The following PDE11A variants were observed in gnomAD, a reference collection of about 807,000 sequenced individuals.
PDE11A encodes the protein dual 3',5'-cyclic-AMP and -GMP phosphodiesterase 11A.
A neutral mutation model predicts 100.5 loss-of-function variants in PDE11A; 100 were observed. The observed-to-expected ratio is 1.00, with a 90% CI of 0.85 to 1.18. The LOEUF is 1.18. PDE11A is among the 50% of genes most tolerant of loss of function. PDE11A has a pLI of 0.00. For missense variants in PDE11A, 1,141 were observed against 1,152.6 expected (o/e 0.99, Z 0.15); for synonymous variants, 381 against 420.8 (o/e 0.91, Z 1.16).
intron 1 of PDE11A, among the ~76,000 whole-genome samples, chr2:178,035,567 G>A (rs933722203): frequency 2.6e-5 from 4 of 152,114 alleles, no homozygotes; most frequent in African/African-American, 2.4e-5. Context: ...GGCAGAGAGA[G>A]ACAACAAAAA....
Position 177,643,483 on chromosome 2 carries a change from G to A in PDE11A, c.2647-13921C>T, listed in dbSNP as rs181902136. Among the ~76,000 whole-genome samples, 25 of 152,254 alleles carry A rather than the reference G, an allele frequency of 1.6e-4. No homozygotes were observed. In the East Asian group the frequency reaches 2.9e-3, roughly 18 times the overall value. On this transcript the variant is annotated intron_variant, in intron 19 of 19. Coordinates refer to ENST00000286063, the MANE Select transcript of PDE11A (RefSeq NM_016953.4). ...AGAGAGATGATTAAGGGTACCTGGCGGAAGAAATTTCTAAGCAGCAAAGCA... is the reference window on the plus strand; with the variant it reads ...AGAGAGATGATTAAGGGTACCTGGCAGAAGAAATTTCTAAGCAGCAAAGCA...
intron 1 of PDE11A, among the ~76,000 whole-genome samples, chr2:178,106,460 T>C (rs1242213670): frequency 6.6e-6 from 1 of 152,218 alleles, no homozygotes; most frequent in Non-Finnish European, 1.5e-5. Flanking sequence ...CTGCATTCAA[T>C]TATCAGTTCT....
chr2:177,984,596 C>T (rs1312408043), intron 2 of PDE11A, among the ~76,000 whole-genome samples: 1 of 152,098 alleles, frequency 6.6e-6, no homozygotes, highest in African/African-American at 2.4e-5. Context: ...TTTAACTCCT[C>T]CATGGTTATA....
chr2:178,032,728 C>T (rs1014135881), intron 1 of PDE11A, among the ~76,000 whole-genome samples: 1 of 152,184 alleles, frequency 6.6e-6, no homozygotes, highest in Non-Finnish European at 1.5e-5. Flanking sequence ...TGCTGTTCTG[C>T]AGCCTCCACT....
At chr2:177,916,729 T>TTTTAA (rs1553489239) in intron 2 of PDE11A, among the ~76,000 whole-genome samples, 2 of 149,276 alleles carry the variant, frequency 1.3e-5, no homozygotes, top group Non-Finnish European at 3.0e-5. Context: ...TTGAAGGTTC[T>TTTTAA]TTTTATTTTA....
chr2:177,944,504 ACT>A (rs762211738), intron 2 of PDE11A, among the ~76,000 whole-genome samples: 20 of 152,140 alleles, frequency 1.3e-4, no homozygotes, highest in African/African-American at 2.4e-4. Context: ...ACTTTTCAAG[ACT>A]CTGCTTAAAA....
At chr2:177,765,030 C>A (rs2082219639) in intron 10 of PDE11A, among the ~76,000 whole-genome samples, 1 of 152,152 alleles carries the variant, frequency 6.6e-6, no homozygotes, top group Non-Finnish European at 1.5e-5. Context: ...GTTGTTTTAT[C>A]TATTTATTCT....
chr2:178,021,610 A>G (rs144773243), intron 1 of PDE11A, among the ~76,000 whole-genome samples: 5 of 152,236 alleles, frequency 3.3e-5, no homozygotes, highest in African/African-American at 1.2e-4. Flanking sequence ...TGAAATTAAA[A>G]AATAGATTTA....
rs183945194 is a variant in PDE11A, at chr2:177,876,465, T to A, written c.1303-542A>T. ...GTGTGGACACTTCCTCTCTCACCTC[T>A]CCAGTGAAAGTAGCATACCAGTGCG... On this transcript the variant is annotated intron_variant, in intron 4 of 19. Coordinates refer to ENST00000286063, the MANE Select transcript of PDE11A (RefSeq NM_016953.4). Among the ~76,000 whole-genome samples, 140 of 148,472 alleles carry A rather than the reference T, an allele frequency of 9.4e-4. 13 individuals are homozygous for A. The highest frequency in any genetic ancestry group is 1.8e-3 in the Non-Finnish European group (124 of 67,344).
intron 2 of PDE11A, chr2:178,104,162 T>C (rs142384716): frequency 5.1e-6 from 4 of 778,020 alleles, no homozygotes; most frequent in African/African-American, 3.4e-5. Flanking sequence ...GGTCTTATGA[T>C]ATAAATCCAT....
intron 10 of PDE11A, among the ~76,000 whole-genome samples, chr2:177,731,899 C>T (rs139292374): frequency 9.7e-4 from 147 of 152,128 alleles, no homozygotes; most frequent in Non-Finnish European, 1.7e-3. Context: ...CCATTAAGTC[C>T]CTTCCCAATT....
At chr2:178,104,488 C>T in intron 1 of PDE11A, 2 of 1,611,408 alleles carry the variant, frequency 1.2e-6, no homozygotes, top group Admixed American at 1.7e-5. Flanking sequence ...TGCAATGGAA[C>T]ATTAAAACCA....
rs1229689500 is a variant in PDE11A, at chr2:177,623,481, G to A, written c.*5926C>T. Reference sequence around the variant, plus strand: ...ATAATAATTAGGAAGGAAGTCAGTAGGAGATCCTTTTTAGGTTATTGTACA... The same window carrying A: ...ATAATAATTAGGAAGGAAGTCAGTAAGAGATCCTTTTTAGGTTATTGTACA... On this transcript the variant is annotated 3_prime_UTR_variant, in exon 20 of 20. Coordinates refer to ENST00000286063, the MANE Select transcript of PDE11A (RefSeq NM_016953.4). The A allele has an allele frequency of 6.6e-6, 1 of 152,226 alleles. No individual in the cohort carries two copies. The highest frequency in any genetic ancestry group is 1.9e-4 in the East Asian group (1 of 5,200). 9.4% of individuals were successfully genotyped at this position (152,226 alleles called of 1,614,324 possible).
At chr2:177,849,610 C>A (rs1182044165) in intron 5 of PDE11A, among the ~76,000 whole-genome samples, 4 of 151,518 alleles carry the variant, frequency 2.6e-5, no homozygotes, top group Admixed American at 2.0e-4. Context: ...AATAAAATAC[C>A]TTTTATTTAT....
chr2:177,855,310 T>C (rs1182353953), intron 5 of PDE11A, among the ~76,000 whole-genome samples: 1 of 152,034 alleles, frequency 6.6e-6, no homozygotes, highest in Admixed American at 6.6e-5. Context: ...AAGTTCCAGA[T>C]TGGCAGAGTA....
At chr2:177,829,644 G>A (rs909415144) in intron 6 of PDE11A, among the ~76,000 whole-genome samples, 1 of 149,714 alleles carries the variant, frequency 6.7e-6, no homozygotes, top group Non-Finnish European at 1.5e-5. Context: ...AGTAGAGACA[G>A]GGTTTCACCA....
upstream of PDE11A, among the ~76,000 whole-genome samples, chr2:178,073,778 G>C (rs1029794675): frequency 1.3e-5 from 2 of 152,112 alleles, no homozygotes; most frequent in African/African-American, 4.8e-5. Context: ...GTTGAAACTG[G>C]CTTGTAAGGA....
chr2:177,734,685 G>C (rs971431292), intron 10 of PDE11A, among the ~76,000 whole-genome samples: 6 of 152,156 alleles, frequency 3.9e-5, no homozygotes, highest in African/African-American at 1.2e-4. Flanking sequence ...CTCAGATTGA[G>C]CATTCTTTGT....
In PDE11A at chr2:177,637,029, T is replaced by G. The variant is rs187101408; in HGVS notation, c.2647-7467A>C. On this transcript the variant is annotated intron_variant, in intron 19 of 19. Coordinates refer to ENST00000286063, the MANE Select transcript of PDE11A (RefSeq NM_016953.4). ...TCTTGGGCCAAATACATACTCTTCC[T>G]CACCTCCTTTTTCTGAAGACATTTA... Among the ~76,000 whole-genome samples, 432 of 152,326 alleles carry G rather than the reference T, an allele frequency of 2.8e-3. 3 individuals carry two copies. Among genetic ancestry groups the G allele is most frequent in the African/African-American group, 0.01 (417 of 41,574 alleles).
Sources: allele counts gnomAD v4.1 joint callset (sites outside exome capture counted in the v4.1 genomes callset), GRCh38; gene constraint gnomAD v4.1.1; transcripts MANE v1.5; gene names NCBI Gene and HGNC (gene_info 2026-07-23, HGNC 2026-07-21).